Variants in EPB41L2 observed in about 807,000 individuals in gnomAD.
The protein encoded by EPB41L2 is band 4.1-like protein 2.
Under a neutral mutation model 113.0 loss-of-function variants are expected in EPB41L2, and 43 were observed. That is an observed-to-expected ratio of 0.38 (90% CI 0.30 to 0.49). EPB41L2 has a LOEUF of 0.49. Among genes scored for constraint, EPB41L2 ranks in the 20% least tolerant of loss-of-function variants. The pLI is 0.95. For missense variants in EPB41L2, 1,147 were observed against 1,223.4 expected (o/e 0.94, Z 0.93); for synonymous variants, 442 against 436.7 (o/e 1.01, Z -0.15).
intron 18 of EPB41L2, 68 bp downstream of exon 18, chr6:130,863,570 A>C (rs991792416): frequency 3.5e-6 from 4 of 1,127,094 alleles, no homozygotes; most frequent in Non-Finnish European, 5.4e-6. Flanking sequence ...GGTATGCGAC[A>C]TGATGACAAA....
At chr6:130,891,470 A>G (rs1339448635) in intron 10 of EPB41L2, among the ~76,000 whole-genome samples, 2 of 143,656 alleles carry the variant, frequency 1.4e-5, no homozygotes, top group Non-Finnish European at 1.5e-5. Flanking sequence ...ATTTTTTGAG[A>G]AGGAGTCTCG....
chr6:130,993,373 G>A (rs1198241467), intron 1 of EPB41L2, among the ~76,000 whole-genome samples: 1 of 152,118 alleles, frequency 6.6e-6, no homozygotes, highest in African/African-American at 2.4e-5. Context: ...TAAAACACAG[G>A]TACTTATAAT....
intron 19 of EPB41L2, among the ~76,000 whole-genome samples, chr6:130,852,103 G>C (rs1413455815): frequency 6.6e-6 from 1 of 152,078 alleles, no homozygotes; most frequent in Non-Finnish European, 1.5e-5. Flanking sequence ...GGACTCTTAA[G>C]AGCAAAAAGG....
intron 1 of EPB41L2, among the ~76,000 whole-genome samples, chr6:130,989,403 G>C (rs1481322632): frequency 6.6e-6 from 1 of 152,098 alleles, no homozygotes; most frequent in Non-Finnish European, 1.5e-5. Flanking sequence ...CCCTCAAAGA[G>C]AAGTATGCCT....
At chr6:130,871,571 A>C (rs73632239) in intron 14 of EPB41L2, among the ~76,000 whole-genome samples, 1 of 152,142 alleles carries the variant, frequency 6.6e-6, no homozygotes, top group African/African-American at 2.4e-5. Context: ...ACGTCTCTGC[A>C]GCACTGTCAA....
intron 18 of EPB41L2, 87 bp from the exon 19 acceptor site, chr6:130,858,330 G>A (rs114284274): frequency 2.7e-5 from 27 of 1,014,802 alleles, no homozygotes; most frequent in Middle Eastern, 4.3e-4. Context: ...TGATCACCTC[G>A]GACCCAACCT....
intron 19 of EPB41L2, among the ~76,000 whole-genome samples, chr6:130,853,676 A>G (rs1779405512): frequency 6.6e-6 from 1 of 152,036 alleles, no homozygotes; most frequent in African/African-American, 2.4e-5. Flanking sequence ...TTCTTTTACC[A>G]TCTTTCTGTT....
chr6:130,853,246 T>C (rs765296598), intron 19 of EPB41L2, among the ~76,000 whole-genome samples: 25 of 152,196 alleles, frequency 1.6e-4, no homozygotes, highest in Admixed American at 7.2e-4. Context: ...ACAGGAGGCT[T>C]CATTCACTTT....
chr6:131,005,483 C>T (rs1440111791), intron 1 of EPB41L2, among the ~76,000 whole-genome samples: 2 of 152,172 alleles, frequency 1.3e-5, no homozygotes, highest in African/African-American at 4.8e-5. Flanking sequence ...TTTTCCCCAC[C>T]ACTCTAGAAT....
intron 1 of EPB41L2, among the ~76,000 whole-genome samples, chr6:131,061,912 G>C (rs1798726407): frequency 6.6e-6 from 1 of 152,062 alleles, no homozygotes; most frequent in South Asian, 2.1e-4. Flanking sequence ...GTAACAAGAG[G>C]AACAAGACGC....
intron 1 of EPB41L2, among the ~76,000 whole-genome samples, chr6:131,028,097 C>T (rs1339046129): frequency 2.0e-5 from 3 of 152,188 alleles, no homozygotes; most frequent in African/African-American, 7.2e-5. Flanking sequence ...TTACCACTAT[C>T]AGTAAAAAGA....
rs1212753503 is a variant in EPB41L2, at chr6:130,915,603, G to GATTA, written c.811-6744_811-6741dup. ...AGTAGCTACTAGATTTGATACTGAT[G>GATTA]ATTAATATATAAATAAAAACACATA... On this transcript the variant is annotated intron_variant, in intron 4 of 19. Transcript: ENST00000337057. Among the ~76,000 whole-genome samples the GATTA allele has an allele frequency of 2.0e-5, 3 of 152,246 alleles. No individual in the cohort carries two copies. The East Asian group carries it at 5.8e-4, about 29-fold the overall frequency.
At chr6:131,025,357 C>T (rs1189409398) in intron 1 of EPB41L2, among the ~76,000 whole-genome samples, 1 of 152,204 alleles carries the variant, frequency 6.6e-6, no homozygotes, top group East Asian at 1.9e-4. Context: ...GAACTTACGG[C>T]ATGAATTGTT....
chr6:130,940,631 T>C (rs1310986638), intron 3 of EPB41L2, among the ~76,000 whole-genome samples: 1 of 152,020 alleles, frequency 6.6e-6, no homozygotes, highest in African/African-American at 2.4e-5. Flanking sequence ...CATGCTCAGT[T>C]AATTTTTGTA....
At position 131,026,616 on chromosome 6, in the gene EPB41L2, CTT is replaced by C. The variant is rs529861705; in HGVS notation, c.-15+36537_-15+36538del. On this transcript the variant is annotated intron_variant, in intron 1 of 19. Coordinates refer to ENST00000337057, the MANE Select transcript of EPB41L2 (RefSeq NM_001431.4). The stretch of plus-strand genomic sequence containing the variant: ...AAATGTCACTTTATGAGGGTAGTCA[CTT>C]TGTACCAATAAACCCATCTTTCCTG... Among the ~76,000 whole-genome samples, 303 of 152,302 alleles carry C rather than the reference CTT, an allele frequency of 2.0e-3. 1 individual carries two copies. Among genetic ancestry groups the C allele is most frequent in the African/African-American group, 6.9e-3 (288 of 41,552 alleles).
chr6:130,903,770 C>T (rs1796956251), intron 6 of EPB41L2, among the ~76,000 whole-genome samples: 1 of 152,182 alleles, frequency 6.6e-6, no homozygotes, highest in Admixed American at 6.5e-5. Flanking sequence ...TTTCAAGCTA[C>T]TTGTTGATTG....
At chr6:130,874,637 T>A (rs1009654388) in intron 14 of EPB41L2, among the ~76,000 whole-genome samples, 3 of 152,182 alleles carry the variant, frequency 2.0e-5, no homozygotes, top group Admixed American at 1.3e-4. Context: ...TCTATATGAA[T>A]GTCAAAAAAG....
rs766895979 is a variant in EPB41L2 at position 130,869,650 on chromosome 6, T to C, written c.2520A>G (p.Glu840=). ...HEGALKQDMG[E]EAEEEPQKVN... ...CTTTCTGTGGCTCTTCCTCTGCTTCTTCTCCCATGTCTTGCTTAAGAGCGC... is the reference window on the plus strand; with the variant it reads ...CTTTCTGTGGCTCTTCCTCTGCTTCCTCTCCCATGTCTTGCTTAAGAGCGC... Residue 840 remains glutamate (E), a synonymous_variant, in exon 15 of 20, where the codon GAA becomes GAG. Transcript: ENST00000337057. The C allele has an allele frequency of 6.2e-7, 1 of 1,614,212 alleles. No homozygotes were observed. The highest frequency in any genetic ancestry group is 8.5e-7 in the Non-Finnish European group (1 of 1,180,034).
rs147034010 is a variant in EPB41L2, at chr6:131,005,722, G to A, written c.-14-49223C>T. 3.4e-3 allele frequency among the ~76,000 whole-genome samples: 514 copies of A among 152,178 alleles called. 1 individual carries two copies. The highest frequency in any genetic ancestry group is 0.012 in the African/African-American group (495 of 41,520). On this transcript the variant is annotated intron_variant, in intron 1 of 19. Transcript: ENST00000337057. ...CACTATCTCAGTTACCCATTCCCACGGTCATGCACCAAGAACTGGCTTTCA... is the reference window on the plus strand; with the variant it reads ...CACTATCTCAGTTACCCATTCCCACAGTCATGCACCAAGAACTGGCTTTCA...
Sources: allele counts gnomAD v4.1 joint callset (sites outside exome capture counted in the v4.1 genomes callset), GRCh38; gene constraint gnomAD v4.1.1; transcripts MANE v1.5; gene names NCBI Gene and HGNC (gene_info 2026-07-23, HGNC 2026-07-21).